BMPR2: variants seen among roughly 807,000 people sequenced by gnomAD.
BMPR2 encodes the protein bone morphogenetic protein receptor type-2.
A neutral mutation model predicts 100.8 loss-of-function variants in BMPR2; 29 were observed. The observed-to-expected ratio is 0.29, with a 90% confidence interval of 0.21 to 0.39. The LOEUF (loss-of-function observed/expected upper bound fraction) is 0.39. Ranked by LOEUF, BMPR2 falls within the 10% of genes least tolerant of loss-of-function variation. The pLI is 1.00. For missense variants in BMPR2, 1,011 were observed against 1,274.5 expected (o/e 0.79, Z 3.15); for synonymous variants, 382 against 442.3 (o/e 0.86, Z 1.71).
chr2:202,441,876 T>C (rs1691754753), intron 1 of BMPR2, among the ~76,000 whole-genome samples: 2 of 146,036 alleles, frequency 1.4e-5, no homozygotes, highest in African/African-American at 5.3e-5. Context: ...CTACCAAAAA[T>C]ACAAAAATTA....
At chr2:202,460,122 A>G (rs1296350907) in intron 1 of BMPR2, among the ~76,000 whole-genome samples, 2 of 152,240 alleles carry the variant, frequency 1.3e-5, no homozygotes, top group South Asian at 2.1e-4. Context: ...TATGCCAGGA[A>G]GGTTGTGGAG....
At position 202,552,716 on chromosome 2, in the gene BMPR2, G is replaced by T. The variant is rs767730208; in HGVS notation, c.1414G>T (p.Ala472Ser). 6.2e-7 allele frequency: 1 copy of T among 1,613,644 alleles called. No individual in the cohort carries two copies. The highest frequency in any genetic ancestry group is 1.1e-5 in the South Asian group (1 of 91,074). The change falls in exon 11 of 13, where the codon GCA (alanine) becomes TCA (serine). Residue 472 changes from alanine (A) to serine (S), a missense_variant and splice_region_variant. Ala to Ser is a moderately conservative substitution (Grantham distance 99, BLOSUM62 1). Transcript: ENST00000374580. ...FPEAWKENSL[A>S]VRSLKETIED... ...GTTTGACATGTACTTTGTCTTACAG[G>T]CAGTGAGGTCACTCAAGGAGACAAT...
Position 202,555,766 on chromosome 2 carries a change from A to C in BMPR2, c.2101A>C (p.Ser701Arg). 1 of 1,614,196 alleles carries C rather than the reference A, an allele frequency of 6.2e-7. No individual in the cohort carries two copies. Among genetic ancestry groups the C allele is most frequent in the Non-Finnish European group, 8.5e-7 (1 of 1,180,050 alleles). ...GTTCAGTGGCCCAGACCCACTGAGC[A>C]GTACTAGTTCTAGCTTGCTTTACCC... The part of the protein sequence containing the change: ...KQFSGPDPLS[S>R]TSSSLLYPLI... The change falls in exon 12 of 13, where the codon AGT becomes CGT. Residue 701 changes from serine to arginine, a missense_variant. Around this residue, in one of 6 missense-constraint regions of BMPR2, gnomAD observed 508 missense variants for 552.0 expected, o/e 0.92. Coordinates refer to ENST00000374580, the MANE Select transcript of BMPR2 (RefSeq NM_001204.7).
intron 5 of BMPR2, among the ~76,000 whole-genome samples, chr2:202,518,002 T>C (rs1444359156): frequency 1.4e-5 from 2 of 145,198 alleles, no homozygotes; most frequent in Non-Finnish European, 3.0e-5. Flanking sequence ...TTTTTTGTAT[T>C]TTTTTAGTAG....
rs995120018 is a variant in BMPR2 at position 202,559,175 on chromosome 2, G to A, written c.2867-521G>A. On this transcript the variant is annotated intron_variant, in intron 12 of 12. Transcript: ENST00000374580. ...AAATTAGCTGGTCATGGTGGCATGC[G>A]CCTGTAGTCCCGGCTACTTGAGAGG... Among the ~76,000 whole-genome samples, 3 of 151,654 alleles carry A rather than the reference G, an allele frequency of 2.0e-5. No individual in the cohort carries two copies. The South Asian group carries it at 6.3e-4, about 32-fold the overall frequency.
chr2:202,539,347 G>A (rs1470065807), intron 9 of BMPR2, among the ~76,000 whole-genome samples: 1 of 152,104 alleles, frequency 6.6e-6, no homozygotes, highest in Non-Finnish European at 1.5e-5. Flanking sequence ...ACAGAACACA[G>A]AAATCATGTT....
chr2:202,514,267 G>T (rs1208293875), intron 4 of BMPR2, among the ~76,000 whole-genome samples: 1 of 152,136 alleles, frequency 6.6e-6, no homozygotes. Context: ...CTCCTGAGTA[G>T]CTGGGACTAC....
intron 3 of BMPR2, among the ~76,000 whole-genome samples, chr2:202,494,903 G>A (rs1692989876): frequency 6.6e-6 from 1 of 152,190 alleles, no homozygotes; most frequent in African/African-American, 2.4e-5. Context: ...CAATCATATG[G>A]TTTATAATGA....
rs567449530 is a variant in BMPR2 at position 202,432,990 on chromosome 2, G to A, written c.77-31819G>A. Among the ~76,000 whole-genome samples the A allele has an allele frequency of 8.0e-5, 12 of 150,244 alleles. 2 individuals carry two copies. The highest frequency in any genetic ancestry group is 2.8e-4 in the African/African-American group (11 of 39,786). On this transcript the variant is annotated intron_variant, in intron 1 of 12. Coordinates refer to ENST00000374580, the MANE Select transcript of BMPR2 (RefSeq NM_001204.7). ...CTGCCAGCTGGTAAGGTGGTATCTAGTAAGGATATTTAAGAGTGTTGCCTT... is the reference window on the plus strand; with the variant it reads ...CTGCCAGCTGGTAAGGTGGTATCTAATAAGGATATTTAAGAGTGTTGCCTT...
chr2:202,513,840 C>G lies in BMPR2; in HGVS notation c.529+11C>G. 1 of 1,572,364 alleles carries G rather than the reference C, an allele frequency of 6.4e-7. No homozygotes were observed. Among genetic ancestry groups the G allele is most frequent in the Non-Finnish European group, 8.7e-7 (1 of 1,143,114 alleles). On this transcript the variant is annotated intron_variant, in intron 4 of 12. Coordinates refer to ENST00000374580, the MANE Select transcript of BMPR2 (RefSeq NM_001204.7). ...ACAGAATGTTGACAGGTAAAAATTACCATTTTTTGTCCTATTGTTTATTAA... is the reference window on the plus strand; with the variant it reads ...ACAGAATGTTGACAGGTAAAAATTAGCATTTTTTGTCCTATTGTTTATTAA...
chr2:202,383,721 C>T (rs1690353027), intron 1 of BMPR2, among the ~76,000 whole-genome samples: 1 of 150,912 alleles, frequency 6.6e-6, no homozygotes, highest in African/African-American at 2.4e-5. Flanking sequence ...CGTGGTGGTG[C>T]ATGCCTGTAA....
At chr2:202,535,611 G>A (rs373890929) in intron 9 of BMPR2, among the ~76,000 whole-genome samples, 104 of 151,504 alleles carry the variant, frequency 6.9e-4, no homozygotes, top group Non-Finnish European at 1.3e-3. Context: ...CTGGGCAGCC[G>A]GGCAGAGGGG....
At position 202,482,295 on chromosome 2, in the gene BMPR2, A is replaced by G. The variant is rs191422919; in HGVS notation, c.418+14606A>G. ...CTCCAATGAATGTAGGTATACAAAT[A>G]TCTCTTTGAGACCCTGCTTTCAATT... On this transcript the variant is annotated intron_variant, in intron 3 of 12. Transcript: ENST00000374580. Among the ~76,000 whole-genome samples, 379 of 152,346 alleles carry G rather than the reference A, an allele frequency of 2.5e-3. 8 individuals carry two copies. Among genetic ancestry groups the G allele is most frequent in the Admixed American group, 0.022 (338 of 15,298 alleles).
At chr2:202,555,204 T>A in intron 11 of BMPR2, 48 bp from the exon 12 acceptor site, 1 of 1,524,296 alleles carries the variant, frequency 6.6e-7, no homozygotes, top group South Asian at 1.1e-5. Flanking sequence ...AGAGACAGTT[T>A]GTCATAAATG....
chr2:202,455,069 C>T lies in BMPR2; in HGVS notation c.77-9740C>T, dbSNP rs138317682. Among the ~76,000 whole-genome samples the T allele has an allele frequency of 2.4e-3, 372 of 152,288 alleles. 3 individuals are homozygous for T. The highest frequency in any genetic ancestry group is 8.3e-3 in the African/African-American group (343 of 41,564). The stretch of plus-strand genomic sequence containing the variant: ...GACGTCCTTGAAACCTAGTTACCTC[C>T]AGAGGCTCCATGTCCAAATAACATC... On this transcript the variant is annotated intron_variant, in intron 1 of 12. Coordinates refer to ENST00000374580, the MANE Select transcript of BMPR2 (RefSeq NM_001204.7).
chr2:202,566,878 C>A lies in BMPR2; in HGVS notation c.*6932C>A, dbSNP rs1376481850. The stretch of plus-strand genomic sequence containing the variant: ...AACCAGTCTCTTGTCTCAGGCTCTT[C>A]ACCTTGTTACCAATCCTCGTAAGTA... On this transcript the variant is annotated 3_prime_UTR_variant, in exon 13 of 13. Coordinates refer to ENST00000374580, the MANE Select transcript of BMPR2 (RefSeq NM_001204.7). 6.6e-6 allele frequency: 1 copy of A among 152,172 alleles called. No homozygotes were observed. The highest frequency in any genetic ancestry group is 2.4e-5 in the African/African-American group (1 of 41,446). 9.4% of individuals were successfully genotyped at this position (152,172 alleles called of 1,614,324 possible). A position where few individuals can be genotyped will look rare whatever the true frequency, so the allele number is the denominator to read the frequency against.
chr2:202,432,181 C>T (rs1203091928), intron 1 of BMPR2, among the ~76,000 whole-genome samples: 7 of 150,738 alleles, frequency 4.6e-5, no homozygotes, highest in East Asian at 1.9e-4. Context: ...TTCTTAAGGG[C>T]TTATGCAGTC....
chr2:202,464,169 A>G (rs1350892944), intron 1 of BMPR2, among the ~76,000 whole-genome samples: 1 of 151,548 alleles, frequency 6.6e-6, no homozygotes, highest in African/African-American at 2.4e-5. Flanking sequence ...CAAAAAAAAA[A>G]AAAAAAAAAA....
intron 3 of BMPR2, among the ~76,000 whole-genome samples, chr2:202,484,762 C>T (rs1199879880): frequency 6.6e-6 from 1 of 151,338 alleles, no homozygotes; most frequent in Non-Finnish European, 1.5e-5. Context: ...GTCTGGAGAT[C>T]GAGACCGTCC....
Sources: allele counts gnomAD v4.1 joint callset (sites outside exome capture counted in the v4.1 genomes callset), GRCh38; gene constraint gnomAD v4.1.1; regional missense constraint gnomAD v4.1.1; transcripts MANE v1.5; gene names NCBI Gene and HGNC (gene_info 2026-07-23, HGNC 2026-07-21).